Variants in CNBD1 observed in about 807,000 individuals in gnomAD.
The protein encoded by CNBD1 is cyclic nucleotide binding domain containing 1, also known as cyclic nucleotide-binding domain-containing protein 1.
CNBD1 carries 71 observed loss-of-function variants against 54.4 expected under a neutral mutation model. The observed-to-expected ratio is 1.30, with a 90% CI of 1.08 to 1.59. The LOEUF is 1.59. Ranked by LOEUF, CNBD1 falls within the 40% of genes most tolerant of loss-of-function variation. The pLI, the probability that CNBD1 is intolerant of heterozygous loss-of-function variation, is 0.00. For missense variants in CNBD1, 659 were observed against 518.0 expected, an observed-to-expected ratio of 1.27 and a Z score of -2.64; for synonymous variants, 182 against 170.7, an observed-to-expected ratio of 1.07 and a Z score of -0.51.
Position 87,182,059 on chromosome 8 carries a change from T to C in CNBD1, c.432-23934T>C, listed in dbSNP as rs1326693915. Among the ~76,000 whole-genome samples the C allele has an allele frequency of 1.3e-5, 2 of 152,120 alleles. No individual in the cohort carries two copies. Among genetic ancestry groups the C allele is most frequent in the African/African-American group, 4.8e-5 (2 of 41,432 alleles). ...TTCACCCTGCTCCTAACATCTCACTTGAAGTATGCCCCAGTGTCTACTTTT... is the reference window on the plus strand; with the variant it reads ...TTCACCCTGCTCCTAACATCTCACTCGAAGTATGCCCCAGTGTCTACTTTT... On this transcript the variant is annotated intron_variant, in intron 4 of 10. Transcript: ENST00000518476. This position sits in a 1 kb window ranked among gnomAD's most constrained non-coding sequence, Gnocchi z 4.1.
In CNBD1 at chr8:87,378,077, C is replaced by T. The variant is rs1308354955; in HGVS notation, c.1304-4543C>T. ...AGCCCTTTGTCAGATGAGTAGGTTG[C>T]GAAAATTTTCTCCCATTTTGTAAGT... On this transcript the variant is annotated intron_variant, in intron 10 of 10. Coordinates refer to ENST00000518476, the MANE Select transcript of CNBD1 (RefSeq NM_173538.3). Among the ~76,000 whole-genome samples the T allele has an allele frequency of 1.4e-4, 20 of 142,690 alleles. No homozygotes were observed. In the South Asian group the frequency reaches 2.7e-3, roughly 19 times the overall value. The allele number at this position is 142,690 out of a possible 152,430, so 93.6% of individuals were successfully genotyped here. A position where few individuals can be genotyped will look rare whatever the true frequency, so the allele number is the denominator to read the frequency against.
In CNBD1 at chr8:87,304,171, A is replaced by G. The variant is rs531395705; in HGVS notation, c.1042+17500A>G. Among the ~76,000 whole-genome samples the G allele has an allele frequency of 1.2e-4, 19 of 152,050 alleles. No homozygotes were observed. In the South Asian group the frequency reaches 3.9e-3, roughly 32 times the overall value. On this transcript the variant is annotated intron_variant, in intron 8 of 10. Coordinates refer to ENST00000518476, the MANE Select transcript of CNBD1 (RefSeq NM_173538.3). Reference sequence around the variant, plus strand: ...AAAGGACTATAAATCATGCTGCTATAAAGACACATGCACACGTATGTTTAT... The same window carrying G: ...AAAGGACTATAAATCATGCTGCTATGAAGACACATGCACACGTATGTTTAT...
rs1441166345 is a variant in CNBD1, at chr8:87,284,714, A to G, written c.808A>G (p.Met270Val). Residue 270 changes from methionine (M) to valine (V), a missense_variant, in exon 7 of 11, where the codon ATG becomes GTG. By Grantham distance (21) the Met-to-Val change is conservative (BLOSUM62 1). Coordinates refer to ENST00000518476, the MANE Select transcript of CNBD1 (RefSeq NM_173538.3). ...GAGTACCTTTGGGACTCTGGAAGTT[A>G]TGCCTCAGAATGAATCGGAAACACA... ...KWSTFGTLEV[M>V]PQNESETQMF... 2 of 1,606,098 alleles carry G rather than the reference A, an allele frequency of 1.2e-6. No individual in the cohort carries two copies. Among genetic ancestry groups the G allele is most frequent in the Admixed American group, 1.7e-5 (1 of 58,954 alleles).
intron 4 of CNBD1, among the ~76,000 whole-genome samples, chr8:86,946,305 A>G (rs949064429): frequency 8.5e-5 from 13 of 152,128 alleles, no homozygotes; most frequent in African/African-American, 3.1e-4. Flanking sequence ...ATATATTTGC[A>G]TTAGTTTACA....
chr8:86,980,697 C>A (rs935634229), intron 4 of CNBD1, among the ~76,000 whole-genome samples: 12 of 152,162 alleles, frequency 7.9e-5, no homozygotes, highest in Admixed American at 2.6e-4. Context: ...TTGCAAAAAT[C>A]TCAGGATGTA....
chr8:87,201,807 G>A (rs1295663785), intron 4 of CNBD1, among the ~76,000 whole-genome samples: 1 of 152,076 alleles, frequency 6.6e-6, no homozygotes, highest in African/African-American at 2.4e-5. Context: ...TGTCGCCCAG[G>A]CTGGAGTGCA....
chr8:87,129,890 G>A (rs948932837), intron 4 of CNBD1, among the ~76,000 whole-genome samples: 17 of 152,172 alleles, frequency 1.1e-4, no homozygotes, highest in Admixed American at 3.9e-4. Context: ...AAAAGAAAGA[G>A]GTTTAATTGA....
At chr8:86,922,042 G>A (rs1038109340) in intron 3 of CNBD1, among the ~76,000 whole-genome samples, 1 of 152,094 alleles carries the variant, frequency 6.6e-6, no homozygotes, top group Non-Finnish European at 1.5e-5. Context: ...AGCAGAGGAG[G>A]CTTTCTTGAG....
In CNBD1 at chr8:87,206,250, A is replaced by G. The variant is rs1813973493; in HGVS notation, c.577+112A>G. The stretch of plus-strand genomic sequence containing the variant: ...ACTTAACAATTTCAGTTGACATGGT[A>G]AAAATGTACTATTTGGGTGTGTTTC... On this transcript the variant is annotated intron_variant, in intron 5 of 10. Coordinates refer to ENST00000518476, the MANE Select transcript of CNBD1 (RefSeq NM_173538.3). The G allele has an allele frequency of 1.2e-5, 10 of 830,468 alleles. No homozygotes were observed. In the East Asian group the frequency reaches 3.0e-4, roughly 25 times the overall value. 51.4% of individuals were successfully genotyped at this position (830,468 alleles called of 1,614,324 possible).
intron 6 of CNBD1, among the ~76,000 whole-genome samples, chr8:87,268,778 T>C (rs1808309951): frequency 6.6e-6 from 1 of 152,148 alleles, no homozygotes; most frequent in Non-Finnish European, 1.5e-5. Context: ...AATGGGGTTT[T>C]TGCATGTTGA....
chr8:87,013,387 T>C (rs182834882), intron 4 of CNBD1, among the ~76,000 whole-genome samples: 1 of 152,192 alleles, frequency 6.6e-6, no homozygotes, highest in East Asian at 1.9e-4. Flanking sequence ...TCAAAAGGGG[T>C]TCTCAAAAGA....
At chr8:87,099,136 A>G (rs1417991995) in intron 4 of CNBD1, among the ~76,000 whole-genome samples, 2 of 151,516 alleles carry the variant, frequency 1.3e-5, no homozygotes, top group South Asian at 4.2e-4. Context: ...ATACATGATT[A>G]TATTTGAAGG....
At chr8:87,238,149 T>G (rs753897138) in intron 6 of CNBD1, among the ~76,000 whole-genome samples, 6 of 150,180 alleles carry the variant, frequency 4.0e-5, no homozygotes, top group Non-Finnish European at 8.8e-5. Flanking sequence ...TTTAGGTCTT[T>G]AGGAGCAGTA....
At position 87,223,215 on chromosome 8, in the gene CNBD1, G is replaced by GT. The variant is rs545841712; in HGVS notation, c.578-13693dup. On this transcript the variant is annotated intron_variant, in intron 5 of 10. Transcript: ENST00000518476. ...CCCACCTTTTTGCTTTTTGGCTGAAGTTTTTTTTTTTAATTTTTATTTATT... is the reference window on the plus strand; with the variant it reads ...CCCACCTTTTTGCTTTTTGGCTGAAGTTTTTTTTTTTTAATTTTTATTTATT... Among the ~76,000 whole-genome samples the GT allele has an allele frequency of 9.2e-3, 1,281 of 139,220 alleles. 15 individuals carry two copies. The highest frequency in any genetic ancestry group is 0.027 in the African/African-American group (1,047 of 38,136). The allele number at this position is 139,220 out of a possible 152,430, so 91.3% of individuals were successfully genotyped here. A position where few individuals can be genotyped will look rare whatever the true frequency, so the allele number is the denominator to read the frequency against.
intron 4 of CNBD1, among the ~76,000 whole-genome samples, chr8:87,059,059 AG>A (rs965632405): frequency 3.4e-4 from 52 of 152,288 alleles, no homozygotes; most frequent in African/African-American, 1.2e-3. Context: ...TCTCTAGGGC[AG>A]GGGCAAAAAG....
Position 87,264,722 on chromosome 8 carries a change from T to A in CNBD1, c.772-19956T>A, listed in dbSNP as rs373485290. On this transcript the variant is annotated intron_variant, in intron 6 of 10. Transcript: ENST00000518476. ...GGTGTGAGATGATATCTCATTGTGG[T>A]TTTGATTTTCATTCCTCTGATGACT... Among the ~76,000 whole-genome samples, 4 of 152,284 alleles carry A rather than the reference T, an allele frequency of 2.6e-5. No homozygotes were observed. The East Asian group carries it at 5.8e-4, about 22-fold the overall frequency.
intron 4 of CNBD1, among the ~76,000 whole-genome samples, chr8:86,965,005 A>G (rs570987805): frequency 6.6e-6 from 1 of 152,312 alleles, no homozygotes; most frequent in South Asian, 2.1e-4. Context: ...AGGTGCTTAG[A>G]CCTAAGTTGT....
chr8:87,022,027 A>G (rs1226792289), intron 4 of CNBD1, among the ~76,000 whole-genome samples: 1 of 152,240 alleles, frequency 6.6e-6, no homozygotes. Context: ...TGTAAATAGC[A>G]TACCCATGTT....
At chr8:87,393,922 A>T (rs544957167) in intron 2 of CNBD1, among the ~76,000 whole-genome samples, 3,188 of 151,926 alleles carry the variant, frequency 0.021, 115 homozygotes, top group African/African-American at 0.072. Flanking sequence ...AATAGTGAAT[A>T]AAAAAACACT....
Sources: gnomAD v4.1 joint callset for allele counts (sites outside exome capture counted in the v4.1 genomes callset) on GRCh38, gnomAD v4.1.1 for gene constraint, Gnocchi (gnomAD v3.1) non-coding constraint, MANE v1.5 for transcripts, NCBI Gene and HGNC (gene_info 2026-07-23, HGNC 2026-07-21) for gene names.